Variants in CALN1 observed in about 807,000 individuals in gnomAD.
The protein encoded by CALN1 is calneuron 1, also known as calcium-binding protein 8.
CALN1 carries 17 observed loss-of-function variants against 30.6 expected under a neutral mutation model. The ratio of observed to expected loss-of-function variants is 0.56; its 90% confidence interval spans 0.38 to 0.83. The LOEUF is 0.83. Ranked by LOEUF, CALN1 falls within the 40% of genes least tolerant of loss-of-function variation. The pLI is 0.00. For synonymous variants in CALN1, 156 were observed against 131.4 expected (o/e 1.19, Z -1.28); for missense variants, 291 against 354.9 (o/e 0.82, Z 1.45).
chr7:72,487,952 AG>A, the CALN1 span, among the ~76,000 whole-genome samples: 18 of 74,154 alleles, frequency 2.4e-4, no homozygotes, highest in Non-Finnish European at 4.8e-4. Context: ...GAAGGAAGGA[AG>A]GAAAGGAAGG....
intron 2 of CALN1, among the ~76,000 whole-genome samples, chr7:72,317,042 G>C (rs1463660732): frequency 7.0e-6 from 1 of 142,596 alleles, no homozygotes; most frequent in Non-Finnish European, 1.5e-5. Flanking sequence ...GGAGGGAAGA[G>C]AGAGAGAGAA....
At chr7:72,080,716 C>T (rs1220981295) in intron 4 of CALN1, among the ~76,000 whole-genome samples, 1 of 152,114 alleles carries the variant, frequency 6.6e-6, no homozygotes, top group African/African-American at 2.4e-5. Flanking sequence ...GGCAGGAAGG[C>T]ACCACGCACC....
intron 5 of CALN1, among the ~76,000 whole-genome samples, chr7:71,937,870 C>T (rs1367799766): frequency 6.6e-6 from 1 of 152,246 alleles, no homozygotes; most frequent in African/African-American, 2.4e-5. Context: ...TTCCATCACG[C>T]AGCACCCAAG....
chr7:72,410,933 G>C (rs1209507142), intron 1 of CALN1, among the ~76,000 whole-genome samples: 1 of 151,606 alleles, frequency 6.6e-6, no homozygotes, highest in African/African-American at 2.4e-5. Context: ...GACAATTAGA[G>C]GCATAAGATG....
At chr7:71,842,787 G>C (rs1790009706) in intron 5 of CALN1, among the ~76,000 whole-genome samples, 1 of 152,076 alleles carries the variant, frequency 6.6e-6, no homozygotes, top group South Asian at 2.1e-4. Flanking sequence ...ATTCCCAAAA[G>C]CTTACAGGTC....
chr7:72,348,508 T>C (rs951146341), intron 2 of CALN1, among the ~76,000 whole-genome samples: 3 of 152,224 alleles, frequency 2.0e-5, no homozygotes, highest in African/African-American at 7.2e-5. Context: ...ACGATTTAAG[T>C]TCCTAGTTGA....
chr7:72,385,590 T>C (rs1336097147), intron 2 of CALN1, among the ~76,000 whole-genome samples: 2 of 152,172 alleles, frequency 1.3e-5, no homozygotes, highest in Non-Finnish European at 2.9e-5. Context: ...AGAAATGCCA[T>C]ATTGATATGG....
intron 4 of CALN1, among the ~76,000 whole-genome samples, chr7:72,041,800 T>A (rs1207779837): frequency 6.6e-6 from 1 of 152,176 alleles, no homozygotes; most frequent in Admixed American, 6.5e-5. Context: ...AAACAGTGAA[T>A]AAGTCTCATG....
intron 4 of CALN1, among the ~76,000 whole-genome samples, chr7:72,033,156 TC>T (rs34515407): frequency 0.44 from 67,458 of 151,784 alleles, 17,454 homozygotes; most frequent in East Asian, 0.72. Flanking sequence ...TCTCGTGGTT[TC>T]CCCACTGCTA....
Position 72,247,629 on chromosome 7 carries a change from C to G in CALN1, c.244+31057G>C, listed in dbSNP as rs564276895. On this transcript the variant is annotated intron_variant, in intron 3 of 6. Transcript: ENST00000395275. ...TTTACAGAAGTGGTAACATAGTCCC[C>G]TGGTAGACATCTGTATTTGTTTCCT... 1.2e-4 allele frequency among the ~76,000 whole-genome samples: 19 copies of G among 152,246 alleles called. No homozygotes were observed. In the South Asian group the frequency reaches 1.9e-3, roughly 15 times the overall value.
chr7:72,007,369 A>C (rs1225468329), intron 5 of CALN1, among the ~76,000 whole-genome samples: 1 of 152,178 alleles, frequency 6.6e-6, no homozygotes, highest in Non-Finnish European at 1.5e-5. Context: ...AACATGGAGA[A>C]ACCCTGTCTC....
At chr7:71,800,121 G>T (rs1410162690) in intron 6 of CALN1, among the ~76,000 whole-genome samples, 1 of 152,236 alleles carries the variant, frequency 6.6e-6, no homozygotes, top group Non-Finnish European at 1.5e-5. Flanking sequence ...CGACAGGAAC[G>T]CTGTGACTTC....
chr7:72,494,615 G>C, the CALN1 span, among the ~76,000 whole-genome samples: 1 of 152,076 alleles, frequency 6.6e-6, no homozygotes, highest in Non-Finnish European at 1.5e-5. Context: ...GTTGGCCCAT[G>C]CCTGTAGCCC....
At chr7:71,796,074 C>T (rs1260808396) in intron 6 of CALN1, among the ~76,000 whole-genome samples, 1 of 152,030 alleles carries the variant, frequency 6.6e-6, no homozygotes, top group African/African-American at 2.4e-5. Context: ...ATCCACCCGC[C>T]TTGGCCTCCC....
intron 5 of CALN1, among the ~76,000 whole-genome samples, chr7:71,988,700 C>T (rs760240097): frequency 5.9e-5 from 9 of 152,124 alleles, no homozygotes; most frequent in Non-Finnish European, 1.2e-4. Flanking sequence ...GAATGAGATC[C>T]AGGCACAGAC....
intron 6 of CALN1, among the ~76,000 whole-genome samples, chr7:71,791,576 C>A (rs149654946): frequency 6.6e-6 from 1 of 151,936 alleles, no homozygotes; most frequent in Non-Finnish European, 1.5e-5. Flanking sequence ...AGGAGGGAGA[C>A]GAGCAGAAAA....
At chr7:71,877,484 TAAG>T (rs1562864790) in intron 5 of CALN1, among the ~76,000 whole-genome samples, 3 of 152,094 alleles carry the variant, frequency 2.0e-5, no homozygotes, top group African/African-American at 7.2e-5. Context: ...TGGCTACATA[TAAG>T]ATAAATATTT....
In CALN1 at chr7:71,793,877, A is replaced by AAC. The variant is rs1554337936; in HGVS notation, c.659-5976_659-5975insGT. ...AGACTGTCTAAAAAAACCAAAAAAA[A>AAC]CAAAAAGAAACACATACAAAAAAGA... On this transcript the variant is annotated intron_variant, in intron 6 of 6. Coordinates refer to ENST00000395275, the MANE Select transcript of CALN1 (RefSeq NM_031468.4). 3.5e-4 allele frequency among the ~76,000 whole-genome samples: 53 copies of AAC among 152,104 alleles called. No homozygotes were observed. The East Asian group carries it at 9.3e-3, about 27-fold the overall frequency.
At chr7:71,799,205 T>A (rs1787153947) in intron 6 of CALN1, among the ~76,000 whole-genome samples, 2 of 152,272 alleles carry the variant, frequency 1.3e-5, no homozygotes, top group South Asian at 2.1e-4. Context: ...ATGGATGATG[T>A]TGTTTAATCC....
Sources: allele counts gnomAD v4.1 joint callset (sites outside exome capture counted in the v4.1 genomes callset), GRCh38; gene constraint gnomAD v4.1.1; transcripts MANE v1.5; gene names NCBI Gene and HGNC (gene_info 2026-07-23, HGNC 2026-07-21).